ESRRG: variants seen among roughly 807,000 people sequenced by gnomAD.
ESRRG encodes estrogen-related receptor gamma.
Under a neutral mutation model 44.0 loss-of-function variants are expected in ESRRG, and 13 were observed. That is an observed-to-expected ratio of 0.30 (90% CI 0.19 to 0.47). The LOEUF (loss-of-function observed/expected upper bound fraction) is 0.47, where lower values mean the gene tolerates loss of function less well. Among genes scored for constraint, ESRRG ranks in the 20% least tolerant of loss-of-function variants. ESRRG has a pLI of 1.00. For synonymous variants in ESRRG, 215 were observed against 214.6 expected (o/e 1.00, Z -0.02); for missense variants, 395 against 580.6 (o/e 0.68, Z 3.29).
chr1:217,020,345 T>C (rs10863288), intron 1 of ESRRG, among the ~76,000 whole-genome samples: 49,361 of 152,078 alleles, frequency 0.32, 8,592 homozygotes, highest in Middle Eastern at 0.46. Flanking sequence ...ACACAGTCTA[T>C]CTTCTTCTGC....
At chr1:217,034,152 A>C (rs1266764094) in intron 1 of ESRRG, among the ~76,000 whole-genome samples, 2 of 152,184 alleles carry the variant, frequency 1.3e-5, no homozygotes, top group Non-Finnish European at 2.9e-5. Flanking sequence ...ATTTACATAT[A>C]ATAGATCCTC....
At chr1:216,856,436 C>T (rs2095942760) in intron 2 of ESRRG, among the ~76,000 whole-genome samples, 1 of 151,386 alleles carries the variant, frequency 6.6e-6, no homozygotes, top group Admixed American at 6.6e-5. Flanking sequence ...TTCATCTTGA[C>T]CTGAAATTGC....
chr1:216,810,173 C>G (rs189649805), intron 2 of ESRRG, among the ~76,000 whole-genome samples: 3 of 152,212 alleles, frequency 2.0e-5, no homozygotes, highest in Admixed American at 2.0e-4. Flanking sequence ...ACTCAGATCA[C>G]CAGGACTCAA....
In ESRRG at chr1:217,036,645, A is replaced by C. The variant is rs140768615; in HGVS notation, c.-106+52862T>G. 5.2e-3 allele frequency among the ~76,000 whole-genome samples: 796 copies of C among 152,248 alleles called. 4 individuals carry two copies. The highest frequency in any genetic ancestry group is 0.018 in the African/African-American group (752 of 41,548). On this transcript the variant is annotated intron_variant, in intron 1 of 7. Coordinates refer to the ESRRG transcript ENST00000359162. Reference sequence around the variant, plus strand: ...ACATGGACACATAGAGGAGAACAACACACACTGGGGCCTATTGGAGGGTGG... The same window carrying C: ...ACATGGACACATAGAGGAGAACAACCCACACTGGGGCCTATTGGAGGGTGG...
intron 1 of ESRRG, among the ~76,000 whole-genome samples, chr1:216,979,745 A>G (rs968524280): frequency 2.0e-5 from 3 of 152,158 alleles, no homozygotes; most frequent in Admixed American, 6.5e-5. Context: ...AAAGACTATA[A>G]TAAGTGTTTA....
At chr1:216,625,619 G>T (rs1405913897) in intron 3 of ESRRG, among the ~76,000 whole-genome samples, 1 of 152,068 alleles carries the variant, frequency 6.6e-6, no homozygotes, top group Non-Finnish European at 1.5e-5. Flanking sequence ...GGAGTAGACT[G>T]CTCAACTCCA....
intron 3 of ESRRG, among the ~76,000 whole-genome samples, chr1:216,608,723 G>A (rs1468909607): frequency 6.6e-6 from 1 of 152,122 alleles, no homozygotes; most frequent in African/African-American, 2.4e-5. Context: ...AGTTCCTTAG[G>A]TCTGATGGTT....
At chr1:217,120,916 A>G (rs988632728) in intron 1 of ESRRG, among the ~76,000 whole-genome samples, 2 of 152,114 alleles carry the variant, frequency 1.3e-5, no homozygotes, top group Non-Finnish European at 2.9e-5. Context: ...CTGCCATTAG[A>G]CTATAAGCTC....
intron 3 of ESRRG, among the ~76,000 whole-genome samples, chr1:216,589,246 G>A (rs1437764607): frequency 1.3e-5 from 2 of 152,138 alleles, no homozygotes; most frequent in Admixed American, 6.5e-5. Flanking sequence ...TTTGCAGGAC[G>A]TAGAACAAGC....
At chr1:216,586,128 A>G (rs1416178486) in intron 3 of ESRRG, among the ~76,000 whole-genome samples, 1 of 152,212 alleles carries the variant, frequency 6.6e-6, no homozygotes, top group Non-Finnish European at 1.5e-5. Context: ...TGGAAATTTA[A>G]ACAGATAATT....
intron 3 of ESRRG, among the ~76,000 whole-genome samples, chr1:216,593,619 T>A (rs188091088): frequency 2.2e-4 from 34 of 152,348 alleles, no homozygotes; most frequent in African/African-American, 8.2e-4. Flanking sequence ...AAAGTTTGAA[T>A]CATTGTCTAG....
chr1:217,037,748 C>T (rs2083157844), intron 1 of ESRRG, among the ~76,000 whole-genome samples: 1 of 152,156 alleles, frequency 6.6e-6, no homozygotes, highest in African/African-American at 2.4e-5. Flanking sequence ...AAGCAAGTCC[C>T]TTCCACCAAG....
At chr1:217,064,675 C>T (rs1000818288) in intron 1 of ESRRG, among the ~76,000 whole-genome samples, 3 of 152,156 alleles carry the variant, frequency 2.0e-5, no homozygotes, top group Non-Finnish European at 4.4e-5. Context: ...GTCCAAAATA[C>T]AGGCATTCCT....
chr1:216,859,436 G>T (rs1478524540), intron 2 of ESRRG, among the ~76,000 whole-genome samples: 11 of 152,182 alleles, frequency 7.2e-5, no homozygotes, highest in Admixed American at 5.9e-4. Context: ...AGATGTTGCT[G>T]CAAAGATAGA....
At chr1:216,596,764 T>A (rs2058503879) in intron 3 of ESRRG, among the ~76,000 whole-genome samples, 1 of 152,120 alleles carries the variant, frequency 6.6e-6, no homozygotes, top group African/African-American at 2.4e-5. Flanking sequence ...GTAACTAAAT[T>A]TAATTTTTTT....
At chr1:216,981,142 C>T (rs969905738) in intron 1 of ESRRG, among the ~76,000 whole-genome samples, 22 of 152,144 alleles carry the variant, frequency 1.4e-4, no homozygotes, top group African/African-American at 4.6e-4. Context: ...CCCTTGCTGC[C>T]ATTACAGCAA....
intron 2 of ESRRG, among the ~76,000 whole-genome samples, chr1:216,765,604 A>G (rs2093034965): frequency 6.6e-6 from 1 of 152,062 alleles, no homozygotes; most frequent in Admixed American, 6.6e-5. Context: ...TCTCTGAGGG[A>G]AGGTGGGTTC....
At chr1:216,929,608 T>G (rs1316902144) in intron 2 of ESRRG, among the ~76,000 whole-genome samples, 1 of 152,046 alleles carries the variant, frequency 6.6e-6, no homozygotes, top group African/African-American at 2.4e-5. Flanking sequence ...GAATGGCATT[T>G]GAAATGAAAA....
chr1:216,858,298 G>A (rs181510473), intron 2 of ESRRG, among the ~76,000 whole-genome samples: 3 of 151,746 alleles, frequency 2.0e-5, no homozygotes, highest in Non-Finnish European at 4.4e-5. Flanking sequence ...TTAGCCAGGC[G>A]TGGTGGCGGG....
Sources: gnomAD v4.1 joint callset for allele counts (sites outside exome capture counted in the v4.1 genomes callset) on GRCh38, gnomAD v4.1.1 for gene constraint, MANE v1.5 for transcripts, NCBI Gene and HGNC (gene_info 2026-07-23, HGNC 2026-07-21) for gene names.